MYBPC1: variants seen among roughly 807,000 people sequenced by gnomAD.
The protein encoded by MYBPC1 is myosin-binding protein C, slow-type.
In MYBPC1, 52 loss-of-function variants were observed where a neutral mutation model predicts 147.1. The observed-to-expected ratio is 0.35, with a 90% CI of 0.28 to 0.45. MYBPC1 has a LOEUF of 0.45. Among genes scored for constraint, MYBPC1 ranks in the 20% least tolerant of loss-of-function variants. The probability of loss-of-function intolerance (pLI) is 1.00; values close to 1 mark genes in which losing one functional copy is unlikely to be tolerated. For missense variants in MYBPC1, 1,228 were observed against 1,440.3 expected, an observed-to-expected ratio of 0.85 and a Z score of 2.39; for synonymous variants, 477 against 475.9, an observed-to-expected ratio of 1.00 and a Z score of -0.03.
At chr12:101,635,221 T>A (rs900963371) in intron 9 of MYBPC1, among the ~76,000 whole-genome samples, 4 of 152,210 alleles carry the variant, frequency 2.6e-5, no homozygotes, top group Non-Finnish European at 5.9e-5. Context: ...GTAAAAGATT[T>A]TTGGTCTCTG....
Position 101,649,314 on chromosome 12 carries a change from A to G in MYBPC1, c.1251A>G (p.Arg417=). 6.2e-7 allele frequency: 1 copy of G among 1,613,888 alleles called. No individual in the cohort carries two copies. The highest frequency in any genetic ancestry group is 8.5e-7 in the Non-Finnish European group (1 of 1,179,780). ...GTCCAAAATCAAGATACCGAATTAG[A>G]GTTGAGGGTAAAAAACACATCTTGA... ...IPGPKSRYRI[R]VEGKKHILII... The change falls in exon 15 of 32, where the codon AGA becomes AGG. Residue 417 remains arginine, a synonymous_variant. Transcript: ENST00000361466.
At chr12:101,662,291 A>G (rs969921723) in intron 20 of MYBPC1, 67 bp from the exon 21 acceptor site, 3 of 1,537,842 alleles carry the variant, frequency 2.0e-6, no homozygotes, top group African/African-American at 1.4e-5. Context: ...AAGGACTTCT[A>G]TTATCTGACA....
chr12:101,637,253 C>T (rs1211281806), intron 10 of MYBPC1: 2 of 153,272 alleles, frequency 1.3e-5, no homozygotes, highest in Non-Finnish European at 2.9e-5. Flanking sequence ...TTTCAGAGGT[C>T]TTTAAAATGC....
chr12:101,644,598 G>C, intron 11 of MYBPC1, 66 bp from the exon 12 acceptor site: 4 of 1,435,708 alleles, frequency 2.8e-6, no homozygotes, highest in African/African-American at 1.4e-5. Flanking sequence ...TACATGTATT[G>C]ACTATTTAAA....
At position 101,628,008 on chromosome 12, in the gene MYBPC1, C is replaced by G. The variant is rs1010556665; in HGVS notation, c.178+204C>G. ...GCATGATACACACGCATTCAAGGAT[C>G]TAGCCAAAAATACCACAGGTTTGTT... is the stretch of plus-strand genomic sequence containing the variant. On this transcript the variant is annotated intron_variant, in intron 5 of 31. Coordinates refer to ENST00000361466, the MANE Select transcript of MYBPC1 (RefSeq NM_002465.4). 6.9e-6 allele frequency: 4 copies of G among 575,836 alleles called. No homozygotes were observed. In the African/African-American group the frequency reaches 7.5e-5, roughly 11 times the overall value. The allele number at this position is 575,836 out of a possible 1,614,324, so 35.7% of individuals were successfully genotyped here.
At chr12:101,647,999 G>A (rs768281303) in intron 13 of MYBPC1, 46 bp from the exon 14 acceptor site, 1 of 1,472,458 alleles carries the variant, frequency 6.8e-7, no homozygotes, top group Non-Finnish European at 9.5e-7. Flanking sequence ...TCATGGGATA[G>A]GCTTTGGATA....
intron 29 of MYBPC1, 88 bp from the exon 30 acceptor site, chr12:101,682,516 G>A: frequency 8.2e-7 from 1 of 1,216,780 alleles, no homozygotes; most frequent in Non-Finnish European, 1.2e-6. Flanking sequence ...CTGATAATAG[G>A]TAACTTGAAT....
At position 101,642,508 on chromosome 12, in the gene MYBPC1, T is replaced by A. The variant is rs1447453741; in HGVS notation, c.755T>A (p.Phe252Tyr). Reference sequence around the variant, plus strand: ...CCCAGTGAGTACGAGAAGATCGCCTTCCAGTATGGAATCACCGACCTGCGC... The same window carrying A: ...CCCAGTGAGTACGAGAAGATCGCCTACCAGTATGGAATCACCGACCTGCGC... Reference protein sequence around the residue: ...AKPSEYEKIAFQYGITDLRGM... With the variant: ...AKPSEYEKIAYQYGITDLRGM... Residue 252 changes from phenylalanine to tyrosine, a missense_variant, in exon 11 of 32, where the codon TTC becomes TAC. Physicochemically the swap from Phe to Tyr is conservative, Grantham distance 22. This residue lies in a region of MYBPC1 where 1,077 missense variants were observed against 1,314.2 expected (regional missense o/e 0.82). Coordinates refer to ENST00000361466, the MANE Select transcript of MYBPC1 (RefSeq NM_002465.4). 1 of 1,613,746 alleles carries A rather than the reference T, an allele frequency of 6.2e-7. No homozygotes were observed. The highest frequency in any genetic ancestry group is 1.1e-5 in the South Asian group (1 of 90,912).
chr12:101,668,197 A>G (rs1897854614), intron 23 of MYBPC1, among the ~76,000 whole-genome samples: 1 of 152,104 alleles, frequency 6.6e-6, no homozygotes. Context: ...ATGTTCATAC[A>G]ACCATGCAAA....
intron 11 of MYBPC1, 90 bp downstream of exon 11, chr12:101,642,675 T>C: frequency 6.9e-7 from 1 of 1,445,542 alleles, no homozygotes; most frequent in Non-Finnish European, 9.4e-7. Context: ...CTCCTTCCAG[T>C]CTCCCGCGGG....
intron 8 of MYBPC1, among the ~76,000 whole-genome samples, chr12:101,633,730 G>C (rs995742312): frequency 6.6e-6 from 1 of 151,508 alleles, no homozygotes; most frequent in Non-Finnish European, 1.5e-5. Context: ...AAGCTATATA[G>C]ACAGCCCAGG....
At chr12:101,617,093 C>A (rs906374882) in intron 2 of MYBPC1, 109 bp from the exon 3 acceptor site, 2 of 927,920 alleles carry the variant, frequency 2.2e-6, no homozygotes, top group Non-Finnish European at 3.5e-6. Context: ...TCATTTATGA[C>A]CTGTTCTGCT....
At chr12:101,626,740 T>G (rs1412747241) in intron 3 of MYBPC1, 132 bp from the exon 4 acceptor site, 5 of 806,536 alleles carry the variant, frequency 6.2e-6, no homozygotes, top group Non-Finnish European at 1.1e-5. Context: ...GGTACCAAGT[T>G]TTCTAAGGCT....
chr12:101,626,785 C>A, intron 3 of MYBPC1, 87 bp from the exon 4 acceptor site: 4 of 1,157,720 alleles, frequency 3.5e-6, no homozygotes, highest in South Asian at 1.2e-5. Context: ...TGTGGTTTCT[C>A]ATCTTCTTTT....
Position 101,666,918 on chromosome 12 carries a change from CACACACACACAT to C in MYBPC1, c.2357-802_2357-791del, listed in dbSNP as rs543756793. ...ATACACACACACACACACACACACA[CACACACACACAT>C]ACACACACACACATCCTTAGAGATG... On this transcript the variant is annotated intron_variant, in intron 22 of 31. Coordinates refer to ENST00000361466, the MANE Select transcript of MYBPC1 (RefSeq NM_002465.4). The C allele has an allele frequency of 1.9e-3, 919 of 481,674 alleles. 5 individuals are homozygous for C. The highest frequency in any genetic ancestry group is 0.014 in the African/African-American group (753 of 52,324). 29.8% of individuals were successfully genotyped at this position (481,674 alleles called of 1,614,324 possible). A position where few individuals can be genotyped will look rare whatever the true frequency, so the allele number is the denominator to read the frequency against.
intron 1 of MYBPC1, among the ~76,000 whole-genome samples, chr12:101,611,875 G>A (rs1010677535): frequency 2.0e-5 from 3 of 151,920 alleles, no homozygotes; most frequent in Non-Finnish European, 2.9e-5. Flanking sequence ...TCAAGAGATC[G>A]AGACCATCCT....
At chr12:101,675,207 G>A (rs1428928009) in intron 25 of MYBPC1, 85 bp from the exon 26 acceptor site, 2 of 1,547,822 alleles carry the variant, frequency 1.3e-6, no homozygotes, top group Non-Finnish European at 1.8e-6. Context: ...ACAGAGGAAA[G>A]GGTCTTTTAA....
chr12:101,666,869 G>A, intron 22 of MYBPC1: 1 of 1,159,988 alleles, frequency 8.6e-7, no homozygotes, highest in Non-Finnish European at 1.2e-6. Context: ...GAATGACCAA[G>A]CATGAAGAAT....
chr12:101,677,319 G>A lies in MYBPC1; in HGVS notation c.3034G>A (p.Val1012Ile), dbSNP rs1439693036. 1 of 1,613,896 alleles carries A rather than the reference G, an allele frequency of 6.2e-7. No individual in the cohort carries two copies. The highest frequency in any genetic ancestry group is 1.7e-5 in the Admixed American group (1 of 59,968). ...LVIGNEYYFR[V>I]FSENMCGLSE... is the part of the protein sequence containing the mutation. ...CATAGGGAATGAATATTACTTCCGG[G>A]TCTTTTCTGAAAACATGTGTGGCCT... is the stretch of plus-strand genomic sequence containing the variant. The change falls in exon 27 of 32, where the codon GTC (valine) becomes ATC (isoleucine). Residue 1012 changes from valine (V) to isoleucine (I), a missense_variant. Transcript: ENST00000361466.
Sources: gnomAD v4.1 joint callset for allele counts (sites outside exome capture counted in the v4.1 genomes callset) on GRCh38, gnomAD v4.1.1 for gene constraint, gnomAD v4.1.1 regional missense constraint, MANE v1.5 for transcripts, NCBI Gene and HGNC (gene_info 2026-07-23, HGNC 2026-07-21) for gene names.